RSRC1: variants seen among roughly 807,000 people sequenced by gnomAD.
RSRC1 encodes serine/Arginine-related protein 53.
A neutral mutation model predicts 49.1 loss-of-function variants in RSRC1; 39 were observed. The observed-to-expected ratio is 0.79, with a 90% CI of 0.61 to 1.04. The LOEUF is 1.04. Ranked by LOEUF, RSRC1 falls within the 50% of genes least tolerant of loss-of-function variation. The probability of loss-of-function intolerance (pLI) is 0.00; values close to 1 mark genes in which losing one functional copy is unlikely to be tolerated. For synonymous variants in RSRC1, 143 were observed against 130.8 expected (o/e 1.09, Z -0.63); for missense variants, 388 against 402.4 (o/e 0.96, Z 0.31).
At chr3:158,388,860 C>T (rs963702841) in intron 6 of RSRC1, among the ~76,000 whole-genome samples, 26 of 152,230 alleles carry the variant, frequency 1.7e-4, no homozygotes, top group African/African-American at 5.5e-4. Context: ...CCGCCCGCCT[C>T]GGCCTCCCAA....
chr3:158,301,604 G>A (rs962445820), intron 5 of RSRC1, among the ~76,000 whole-genome samples: 1 of 152,136 alleles, frequency 6.6e-6, no homozygotes, highest in Admixed American at 6.5e-5. Flanking sequence ...GTTCAGTCAT[G>A]TAATACACAT....
At chr3:158,464,773 C>G (rs905753538) in intron 7 of RSRC1, among the ~76,000 whole-genome samples, 1 of 152,054 alleles carries the variant, frequency 6.6e-6, no homozygotes, top group Admixed American at 6.6e-5. Context: ...TCTTAATCAT[C>G]ATGAACTCTA....
rs536998036 is a variant in RSRC1 at position 158,417,701 on chromosome 3, G to A, written c.584-43234G>A. On this transcript the variant is annotated intron_variant, in intron 6 of 9. Transcript: ENST00000611884. ...TTTGATCTTCAGAACATACCTATAG[G>A]GAGAATATTAATATCAAAATTTTTA... 5.3e-5 allele frequency among the ~76,000 whole-genome samples: 8 copies of A among 151,002 alleles called. No individual in the cohort carries two copies. In the East Asian group the frequency reaches 1.6e-3, roughly 30 times the overall value.
intron 5 of RSRC1, among the ~76,000 whole-genome samples, chr3:158,330,201 C>G (rs924629108): frequency 2.6e-5 from 4 of 152,160 alleles, no homozygotes; most frequent in Non-Finnish European, 4.4e-5. Context: ...CGATGCCTCG[C>G]CCTGCTTCAG....
chr3:158,512,650 A>G (rs1480313143), intron 7 of RSRC1, among the ~76,000 whole-genome samples: 12 of 150,914 alleles, frequency 8.0e-5, no homozygotes, highest in East Asian at 3.9e-4. Context: ...AATTCTGTGA[A>G]GAAACTCATT....
At chr3:158,423,244 G>A (rs374454269) in intron 6 of RSRC1, among the ~76,000 whole-genome samples, 1 of 151,940 alleles carries the variant, frequency 6.6e-6, no homozygotes, top group Non-Finnish European at 1.5e-5. Flanking sequence ...ATCTTGAATT[G>A]ATTTTTGTAT....
At chr3:158,248,860 A>T (rs943959284) in intron 4 of RSRC1, among the ~76,000 whole-genome samples, 6 of 151,512 alleles carry the variant, frequency 4.0e-5, no homozygotes, top group Admixed American at 3.3e-4. Context: ...GCTTAGGTTA[A>T]CTTTTTAAGA....
chr3:158,474,432 G>T (rs1417996727), intron 7 of RSRC1, among the ~76,000 whole-genome samples: 1 of 152,176 alleles, frequency 6.6e-6, no homozygotes. Flanking sequence ...GTTGGTGGAA[G>T]GTCTTTCCTC....
intron 4 of RSRC1, among the ~76,000 whole-genome samples, chr3:158,223,850 G>T (rs1722362652): frequency 1.3e-5 from 2 of 151,680 alleles, no homozygotes; most frequent in South Asian, 2.1e-4. Context: ...CCTCTGTTTG[G>T]AATGCCTCCT....
At chr3:158,451,219 T>C (rs1737007515) in intron 6 of RSRC1, among the ~76,000 whole-genome samples, 2 of 151,958 alleles carry the variant, frequency 1.3e-5, no homozygotes, top group African/African-American at 4.8e-5. Context: ...TTCTCCATAC[T>C]AACAGCATGA....
chr3:158,158,149 T>A lies in RSRC1; in HGVS notation c.320+34158T>A, dbSNP rs1006670729. On this transcript the variant is annotated intron_variant, in intron 3 of 9. Transcript: ENST00000611884. ...GTGCTATATGTAATCTTACTTTTGC[T>A]TTCCATGTAGCAGTTAACTAATACT... 2.0e-5 allele frequency among the ~76,000 whole-genome samples: 3 copies of A among 152,248 alleles called. No homozygotes were observed. In the South Asian group the frequency reaches 6.2e-4, roughly 32 times the overall value.
chr3:158,159,140 T>C (rs868806585), intron 3 of RSRC1, among the ~76,000 whole-genome samples: 1 of 152,114 alleles, frequency 6.6e-6, no homozygotes, highest in Non-Finnish European at 1.5e-5. Context: ...TTCTAGGATG[T>C]GAAGCTAGTG....
chr3:158,338,946 G>A lies in RSRC1; in HGVS notation c.532-15911G>A, dbSNP rs533857240. Among the ~76,000 whole-genome samples, 3 of 152,242 alleles carry A rather than the reference G, an allele frequency of 2.0e-5. No homozygotes were observed. The South Asian group carries it at 6.2e-4, about 32-fold the overall frequency. On this transcript the variant is annotated intron_variant, in intron 5 of 9. Transcript: ENST00000611884. ...TGAGGTATGTAAAATGTTTAGCATG[G>A]GATCTCGAACATTATAAGCATATGA...
At chr3:158,522,228 AAAT>A (rs1711716732) in intron 7 of RSRC1, among the ~76,000 whole-genome samples, 1 of 152,176 alleles carries the variant, frequency 6.6e-6, no homozygotes, top group African/African-American at 2.4e-5. Context: ...AAGCAGCAAT[AAAT>A]AATAATCATA....
chr3:158,269,763 G>A (rs1231291225), intron 4 of RSRC1, among the ~76,000 whole-genome samples: 2 of 152,008 alleles, frequency 1.3e-5, no homozygotes, highest in Non-Finnish European at 2.9e-5. Flanking sequence ...TGCCTGCCTT[G>A]GCCTCCCAAA....
At position 158,123,939 on chromosome 3, in the gene RSRC1, C is replaced by A. The variant is rs1183090232; in HGVS notation, c.268C>A (p.Arg90=). The A allele has an allele frequency of 6.2e-7, 1 of 1,612,600 alleles. No individual in the cohort carries two copies. The highest frequency in any genetic ancestry group is 1.1e-5 in the South Asian group (1 of 90,950). The part of the protein sequence containing the change: ...RKRSRSRSRG[R]GKSYRVQRSR... ...ACGAAGTCGAAGTCGTTCAAGGGGTCGAGGGAAATCCTATAGAGTTCAGAG... is the reference window on the plus strand; with the variant it reads ...ACGAAGTCGAAGTCGTTCAAGGGGTAGAGGGAAATCCTATAGAGTTCAGAG... The change falls in exon 3 of 10, where the codon CGA becomes AGA. Residue 90 remains arginine, a synonymous_variant. Coordinates refer to ENST00000611884, the MANE Select transcript of RSRC1 (RefSeq NM_001271838.2).
chr3:158,115,844 C>T (rs1608100), intron 1 of RSRC1, among the ~76,000 whole-genome samples: 102,513 of 152,034 alleles, frequency 0.67, 34,805 homozygotes, highest in East Asian at 0.83. Context: ...TTATGTCTTT[C>T]GTATTACACC....
intron 1 of RSRC1, among the ~76,000 whole-genome samples, chr3:158,117,905 C>A (rs1055455107): frequency 4.9e-5 from 5 of 102,176 alleles, no homozygotes; most frequent in Non-Finnish European, 1.0e-4. Context: ...TTCTTTCTTT[C>A]TTTCTTTTTT....
chr3:158,508,492 T>C (rs145542551), intron 7 of RSRC1, among the ~76,000 whole-genome samples: 42 of 151,990 alleles, frequency 2.8e-4, no homozygotes, highest in African/African-American at 1.0e-3. Flanking sequence ...AGTGTCACCT[T>C]GTTTTTCTCT....
Sources: allele counts gnomAD v4.1 joint callset (sites outside exome capture counted in the v4.1 genomes callset), GRCh38; gene constraint gnomAD v4.1.1; transcripts MANE v1.5; gene names NCBI Gene and HGNC (gene_info 2026-07-23, HGNC 2026-07-21).